The following VWA8 variants were observed in gnomAD, a reference collection of about 807,000 sequenced individuals.
The protein encoded by VWA8 is von Willebrand factor A domain-containing protein 8.
VWA8 carries 221 observed loss-of-function variants against 241.5 expected under a neutral mutation model. The observed-to-expected ratio is 0.91, with a 90% CI of 0.82 to 1.02. The LOEUF (loss-of-function observed/expected upper bound fraction) is 1.02, where lower values mean the gene tolerates loss of function less well. VWA8 is among the 50% of genes least tolerant of loss of function. VWA8 has a pLI of 0.00. For missense variants in VWA8, 2,322 were observed against 2,328.7 expected (o/e 1.00, Z 0.06); for synonymous variants, 852 against 827.1 (o/e 1.03, Z -0.52).
intron 4 of VWA8, among the ~76,000 whole-genome samples, chr13:41,901,913 T>TATATAC (rs1268681139): frequency 4.7e-5 from 3 of 64,030 alleles, no homozygotes; most frequent in African/African-American, 9.4e-5. Flanking sequence ...TATATATATA[T>TATATAC]ACACACACAT....
At chr13:41,874,911 G>A (rs1019355870) in intron 9 of VWA8, among the ~76,000 whole-genome samples, 2 of 152,004 alleles carry the variant, frequency 1.3e-5, no homozygotes, top group East Asian at 3.9e-4. Context: ...CCTTTCAAGA[G>A]GCAATCTAGC....
intron 1 of VWA8, 124 bp downstream of exon 1, chr13:41,960,729 C>T: frequency 7.5e-7 from 1 of 1,332,406 alleles, no homozygotes; most frequent in Non-Finnish European, 9.8e-7. Context: ...AATCTTTCAG[C>T]TCCCCGCTCG....
intron 19 of VWA8, among the ~76,000 whole-genome samples, chr13:41,782,871 C>A (rs1202249143): frequency 6.6e-6 from 1 of 151,616 alleles, no homozygotes; most frequent in Non-Finnish European, 1.5e-5. Flanking sequence ...TAAACATCTA[C>A]AATAAAGCTT....
chr13:41,667,088 T>G (rs1049332263), intron 37 of VWA8, among the ~76,000 whole-genome samples: 9 of 152,304 alleles, frequency 5.9e-5, no homozygotes, highest in Admixed American at 5.9e-4. Context: ...CATAATCCCA[T>G]AGAGGATCTG....
At position 41,575,765 on chromosome 13, in the gene VWA8, T is replaced by C; in HGVS notation, c.5345A>G (p.Asn1782Ser). ...CTTCAGAATTTCTAGTCTTTGCTTA[T>C]TGTCCTTGGGGATTTTGTTCATTGG... ...LVPMNKIPKD[N>S]KQRLEILKTM... Residue 1782 changes from asparagine (N) to serine (S), a missense_variant, in exon 43 of 45, where the codon AAT becomes AGT. Asn to Ser is a conservative substitution (Grantham distance 46). Transcript: ENST00000379310. 1 of 1,613,340 alleles carries C rather than the reference T, an allele frequency of 6.2e-7. No homozygotes were observed. Among genetic ancestry groups the C allele is most frequent in the Non-Finnish European group, 8.5e-7 (1 of 1,179,810 alleles).
chr13:41,772,864 G>T (rs989200874), intron 20 of VWA8, among the ~76,000 whole-genome samples: 2 of 152,082 alleles, frequency 1.3e-5, no homozygotes, highest in Non-Finnish European at 2.9e-5. Context: ...GGTGAAATTG[G>T]GTTTAGTAAA....
Position 41,887,263 on chromosome 13 carries a change from C to T in VWA8, c.750G>A (p.Gly250=), listed in dbSNP as rs1341548706. 6.2e-7 allele frequency: 1 copy of T among 1,613,696 alleles called. No individual in the cohort carries two copies. The highest frequency in any genetic ancestry group is 1.3e-5 in the African/African-American group (1 of 74,998). Reference sequence around the variant, plus strand: ...AACGAAGAGGGGGGTCTAATGGATTCCCAGAATACCTTGGCACTGGCAAGC... The same window carrying T: ...AACGAAGAGGGGGGTCTAATGGATTTCCAGAATACCTTGGCACTGGCAAGC... ...ALGLPVPRYS[G]NPLDPPLRSR... The change falls in exon 6 of 45, where the codon GGG becomes GGA. Residue 250 remains glycine (G), a synonymous_variant. Coordinates refer to ENST00000379310, the MANE Select transcript of VWA8 (RefSeq NM_015058.2).
chr13:41,918,215 C>T (rs1251985808), intron 2 of VWA8, among the ~76,000 whole-genome samples: 2 of 152,110 alleles, frequency 1.3e-5, no homozygotes, highest in African/African-American at 2.4e-5. Flanking sequence ...AAAACATCAG[C>T]TTACGTAGCT....
intron 9 of VWA8, among the ~76,000 whole-genome samples, chr13:41,872,062 A>G (rs1479918578): frequency 1.3e-5 from 2 of 152,146 alleles, no homozygotes; most frequent in East Asian, 3.8e-4. Flanking sequence ...GCCAGTGATG[A>G]TGAGCATTTT....
intron 37 of VWA8, among the ~76,000 whole-genome samples, chr13:41,621,536 G>A (rs1002323463): frequency 3.9e-5 from 6 of 152,158 alleles, no homozygotes; most frequent in African/African-American, 9.7e-5. Flanking sequence ...GCATGTGTGT[G>A]TATTCTGGTA....
intron 12 of VWA8, among the ~76,000 whole-genome samples, chr13:41,845,811 T>C (rs190129006): frequency 5.3e-5 from 8 of 152,056 alleles, no homozygotes; most frequent in Admixed American, 3.9e-4. Flanking sequence ...ATGGGAACAA[T>C]AGACAATGGG....
intron 21 of VWA8, among the ~76,000 whole-genome samples, chr13:41,756,884 C>T (rs557466860): frequency 3.3e-5 from 5 of 151,852 alleles, no homozygotes; most frequent in South Asian, 2.1e-4. Context: ...CCTCACTCTA[C>T]AGCAGGAGGT....
intron 16 of VWA8, among the ~76,000 whole-genome samples, chr13:41,812,215 T>A (rs765510429): frequency 1.3e-5 from 2 of 152,150 alleles, no homozygotes; most frequent in Non-Finnish European, 2.9e-5. Flanking sequence ...GCAACAACTG[T>A]TATTTAAAAA....
chr13:41,781,497 T>C (rs1345828270), intron 19 of VWA8, among the ~76,000 whole-genome samples: 1 of 152,182 alleles, frequency 6.6e-6, no homozygotes, highest in Non-Finnish European at 1.5e-5. Context: ...TATGTGTACT[T>C]ACTTGCAGAT....
chr13:41,910,101 T>C (rs865812628), intron 3 of VWA8, among the ~76,000 whole-genome samples: 1 of 152,180 alleles, frequency 6.6e-6, no homozygotes, highest in Non-Finnish European at 1.5e-5. Context: ...GTTGGGGGTG[T>C]TGTTGGTTTC....
intron 20 of VWA8, among the ~76,000 whole-genome samples, chr13:41,772,108 T>C (rs1439357949): frequency 6.6e-6 from 1 of 151,960 alleles, no homozygotes; most frequent in Non-Finnish European, 1.5e-5. Context: ...CAGGCTGGTC[T>C]CGGACTCCCT....
intron 13 of VWA8, among the ~76,000 whole-genome samples, chr13:41,831,740 C>T (rs1278831614): frequency 6.6e-6 from 1 of 150,656 alleles, no homozygotes; most frequent in Non-Finnish European, 1.5e-5. Context: ...CTGCCTTAGC[C>T]TCCTGAGTAG....
At chr13:41,879,096 T>G (rs1426259803) in intron 9 of VWA8, among the ~76,000 whole-genome samples, 1 of 152,184 alleles carries the variant, frequency 6.6e-6, no homozygotes, top group Non-Finnish European at 1.5e-5. Context: ...AGTCACGACC[T>G]TTGATCTTAA....
intron 37 of VWA8, among the ~76,000 whole-genome samples, chr13:41,662,125 T>C (rs1270733789): frequency 6.6e-6 from 1 of 152,214 alleles, no homozygotes; most frequent in Non-Finnish European, 1.5e-5. Flanking sequence ...ATTTAGTTCA[T>C]TTATCTTCCC....
Sources: gnomAD v4.1 joint callset for allele counts (sites outside exome capture counted in the v4.1 genomes callset) on GRCh38, gnomAD v4.1.1 for gene constraint, MANE v1.5 for transcripts, NCBI Gene and HGNC (gene_info 2026-07-23, HGNC 2026-07-21) for gene names.